The following SIK2 variants were observed in gnomAD, a reference collection of about 807,000 sequenced individuals.
The protein encoded by SIK2 is salt inducible kinase 2.
A neutral mutation model predicts 103.2 loss-of-function variants in SIK2; 29 were observed. The ratio of observed to expected loss-of-function variants is 0.28; its 90% CI spans 0.21 to 0.38. The LOEUF is 0.38. Ranked by LOEUF, SIK2 falls within the 10% of genes least tolerant of loss-of-function variation. The pLI is 1.00. For synonymous variants in SIK2, 412 were observed against 446.1 expected (o/e 0.92, Z 0.96); for missense variants, 879 against 1,171.0 (o/e 0.75, Z 3.64).
chr11:111,690,234 C>T (rs945479374), intron 4 of SIK2, among the ~76,000 whole-genome samples: 1 of 149,258 alleles, frequency 6.7e-6, no homozygotes, highest in Non-Finnish European at 1.5e-5. Flanking sequence ...TTGAAAGCAT[C>T]GGCTGCCCTA....
At chr11:111,605,121 C>T (rs1262609225) in intron 1 of SIK2, among the ~76,000 whole-genome samples, 1 of 152,114 alleles carries the variant, frequency 6.6e-6, no homozygotes, top group Non-Finnish European at 1.5e-5. Context: ...CACCACCATG[C>T]CCGGCTAATT....
At chr11:111,639,297 A>G (rs544958110) in intron 3 of SIK2, among the ~76,000 whole-genome samples, 12 of 152,296 alleles carry the variant, frequency 7.9e-5, no homozygotes, top group Admixed American at 5.2e-4. Flanking sequence ...TTTTCTGCAT[A>G]GTCCCTCTTC....
rs1243861490 is a variant in SIK2, at chr11:111,688,830, C to G, written c.478+668C>G. Among the ~76,000 whole-genome samples the G allele has an allele frequency of 6.6e-6, 1 of 152,140 alleles. No individual in the cohort carries two copies. Among genetic ancestry groups the G allele is most frequent in the Non-Finnish European group, 1.5e-5 (1 of 68,026 alleles). The stretch of plus-strand genomic sequence containing the variant: ...ACAATATGATATGTGGAAATCATTT[C>G]ACAACATATCCATATATAAAAATAG... On this transcript the variant is annotated intron_variant, in intron 4 of 14. Transcript: ENST00000304987. The surrounding 1 kb of genome is among the most constrained non-coding windows in gnomAD (Gnocchi z 4.2).
rs748458348 is a variant in SIK2 at position 111,720,752 on chromosome 11, C to G, written c.1770C>G (p.Ser590=). ...FREGRRASDT[S]LTQGIVAFRQ... is the part of the protein sequence containing the mutation. ...AGGGCCGCAGAGCATCAGATACCTC[C>G]CTCACCCAGGGTGAGCACTTCCTCC... Residue 590 remains serine (S), a synonymous_variant, in exon 11 of 15, where the codon TCC becomes TCG. Coordinates refer to ENST00000304987, the MANE Select transcript of SIK2 (RefSeq NM_015191.3). The G allele has an allele frequency of 6.3e-7, 1 of 1,591,930 alleles. No individual in the cohort carries two copies. The highest frequency in any genetic ancestry group is 1.8e-5 in the Admixed American group (1 of 56,974).
chr11:111,616,251 A>C lies in SIK2; in HGVS notation c.144A>C (p.Ile48=), dbSNP rs1941804631. Residue 48 remains isoleucine, a synonymous_variant, in exon 2 of 15, where the codon ATA becomes ATC. Transcript: ENST00000304987. The part of the protein sequence containing the change: ...RHRITKTEVA[I]KIIDKSQLDA... ...TGTGTTCTGGGATGCAGGTGGCAAT[A>C]AAAATAATCGATAAGTCTCAGCTGG... is the stretch of plus-strand genomic sequence containing the variant. 3 of 1,609,902 alleles carry C rather than the reference A, an allele frequency of 1.9e-6. No individual in the cohort carries two copies. Among genetic ancestry groups the C allele is most frequent in the Non-Finnish European group, 2.5e-6 (3 of 1,176,642 alleles).
intron 4 of SIK2, 71 bp from the exon 5 acceptor site, chr11:111,700,815 A>C (rs1943195637): frequency 6.4e-7 from 1 of 1,570,298 alleles, no homozygotes; most frequent in Non-Finnish European, 8.7e-7. Context: ...CATATTAGAA[A>C]ATTTATTACA....
intron 3 of SIK2, among the ~76,000 whole-genome samples, chr11:111,635,340 G>GA (rs1942092598): frequency 6.7e-6 from 1 of 149,260 alleles, no homozygotes. Context: ...ATGTGCTGGG[G>GA]AAAAAAGAAA....
At chr11:111,637,560 A>G (rs1243326213) in intron 3 of SIK2, among the ~76,000 whole-genome samples, 1 of 151,010 alleles carries the variant, frequency 6.6e-6, no homozygotes, top group Non-Finnish European at 1.5e-5. Context: ...CCCAGGTTCA[A>G]GTGATTCTCC....
At chr11:111,674,981 A>G (rs1315647107) in intron 3 of SIK2, among the ~76,000 whole-genome samples, 1 of 152,172 alleles carries the variant, frequency 6.6e-6, no homozygotes, top group African/African-American at 2.4e-5. Context: ...TCCTGACCTC[A>G]GGTCATCATC....
In SIK2 at chr11:111,723,717, T is replaced by C. The variant is rs1943873987; in HGVS notation, c.2369T>C (p.Phe790Ser). Reference sequence around the variant, plus strand: ...TCCGAGCAGATGCAATACAGCCCTTTCCTCAGCCAGTACCAAGAGATGCAG... The same window carrying C: ...TCCGAGCAGATGCAATACAGCCCTTCCCTCAGCCAGTACCAAGAGATGCAG... Reference protein sequence around the residue: ...PSSEQMQYSPFLSQYQEMQLQ... With the variant: ...PSSEQMQYSPSLSQYQEMQLQ... The change falls in exon 15 of 15, where the codon TTC becomes TCC. Residue 790 changes from phenylalanine (F) to serine (S), a missense_variant. Around this residue, in one of 7 missense-constraint regions of SIK2, gnomAD observed 375 missense variants for 416.3 expected, o/e 0.90. Transcript: ENST00000304987. 2 of 1,614,138 alleles carry C rather than the reference T, an allele frequency of 1.2e-6. No homozygotes were observed. Among genetic ancestry groups the C allele is most frequent in the Non-Finnish European group, 8.5e-7 (1 of 1,180,036 alleles).
At chr11:111,678,120 G>T (rs1276802213) in intron 3 of SIK2, among the ~76,000 whole-genome samples, 1 of 152,068 alleles carries the variant, frequency 6.6e-6, no homozygotes, top group Non-Finnish European at 1.5e-5. Flanking sequence ...TTTCAGTTTT[G>T]TGAACGTGCT....
At chr11:111,604,351 A>G (rs577171197) in intron 1 of SIK2, among the ~76,000 whole-genome samples, 12 of 152,370 alleles carry the variant, frequency 7.9e-5, no homozygotes, top group African/African-American at 2.6e-4. Context: ...AGGTTCTACA[A>G]AACTTTTGAA....
intron 3 of SIK2, among the ~76,000 whole-genome samples, chr11:111,637,038 C>T (rs1942117117): frequency 6.6e-6 from 1 of 152,048 alleles, no homozygotes; most frequent in Non-Finnish European, 1.5e-5. Flanking sequence ...ATTTATTTCC[C>T]TACTTTTCTC....
Position 111,602,548 on chromosome 11 carries a change from AGCAGC to A in SIK2, c.-14_-10del. The A allele has an allele frequency of 2.0e-6, 3 of 1,500,118 alleles. No homozygotes were observed. In the South Asian group the frequency reaches 3.8e-5, roughly 19 times the overall value. The allele number at this position is 1,500,118 out of a possible 1,614,324, so 92.9% of individuals were successfully genotyped here. On this transcript the variant is annotated 5_prime_UTR_variant, in exon 1 of 15. Coordinates refer to ENST00000304987, the MANE Select transcript of SIK2 (RefSeq NM_015191.3). This position sits in a 1 kb window ranked among gnomAD's most constrained non-coding sequence, Gnocchi z 4.5. ...GCCCGCGCTCCTGTCCGCCGTGTCT[AGCAGC>A]GGGGCCCAGCATGGTCATGGCGGAT...
rs574400533 is a variant in SIK2, at chr11:111,722,277, G to C, written c.2055+337G>C. 5.3e-5 allele frequency among the ~76,000 whole-genome samples: 8 copies of C among 152,222 alleles called. No individual in the cohort carries two copies. The highest frequency in any genetic ancestry group is 2.6e-4 in the Admixed American group (4 of 15,294). On this transcript the variant is annotated intron_variant, in intron 13 of 14. Coordinates refer to ENST00000304987, the MANE Select transcript of SIK2 (RefSeq NM_015191.3). This position sits in a 1 kb window ranked among gnomAD's most constrained non-coding sequence, Gnocchi z 4.4. Reference sequence around the variant, plus strand: ...CCTTAAGTCTGCAGAATTTCTACATGGGCTTTCTATGTTGGTGCATAAAAA... The same window carrying C: ...CCTTAAGTCTGCAGAATTTCTACATCGGCTTTCTATGTTGGTGCATAAAAA...
rs1040633007 is a variant in SIK2, at chr11:111,729,216, A to G, written c.*5087A>G. On this transcript the variant is annotated 3_prime_UTR_variant, in exon 15 of 15. Transcript: ENST00000304987. Reference sequence around the variant, plus strand: ...CTACGTGCACCCCCACCTTGTGTCCACATCTTCTCCAGGCAGGTTTCAACC... The same window carrying G: ...CTACGTGCACCCCCACCTTGTGTCCGCATCTTCTCCAGGCAGGTTTCAACC... 2 of 152,190 alleles carry G rather than the reference A, an allele frequency of 1.3e-5. No individual in the cohort carries two copies. The highest frequency in any genetic ancestry group is 2.4e-5 in the African/African-American group (1 of 41,426). The allele number at this position is 152,190 out of a possible 1,614,324, so 9.4% of individuals were successfully genotyped here.
At chr11:111,648,389 T>C (rs1349617534) in intron 3 of SIK2, among the ~76,000 whole-genome samples, 1 of 152,118 alleles carries the variant, frequency 6.6e-6, no homozygotes, top group Non-Finnish European at 1.5e-5. Context: ...CTTTCTCAGA[T>C]GGCACCTTCT....
intron 3 of SIK2, among the ~76,000 whole-genome samples, chr11:111,678,083 C>T (rs1591612240): frequency 1.3e-5 from 2 of 152,158 alleles, no homozygotes; most frequent in Non-Finnish European, 2.9e-5. Context: ...CTTCCCTGTT[C>T]TTTATGTGTT....
intron 1 of SIK2, among the ~76,000 whole-genome samples, chr11:111,612,205 C>G (rs1015464991): frequency 6.6e-6 from 1 of 152,082 alleles, no homozygotes; most frequent in Non-Finnish European, 1.5e-5. Context: ...GCTTTAAGAC[C>G]TTTGTTGATT....
Sources: allele counts gnomAD v4.1 joint callset (sites outside exome capture counted in the v4.1 genomes callset), GRCh38; gene constraint gnomAD v4.1.1; regional missense constraint gnomAD v4.1.1; non-coding constraint Gnocchi (gnomAD v3.1); transcripts MANE v1.5; gene names NCBI Gene and HGNC (gene_info 2026-07-23, HGNC 2026-07-21).